RPS9: variants seen among roughly 807,000 people sequenced by gnomAD.
RPS9 encodes the protein small ribosomal subunit protein uS4.
In RPS9, 1 loss-of-function variant was observed where a neutral mutation model predicts 16.9. The ratio of observed to expected loss-of-function variants is 0.06; its 90% CI spans 0.02 to 0.28. The LOEUF is 0.28. Among genes scored for constraint, RPS9 ranks in the 10% least tolerant of loss-of-function variants. The probability of loss-of-function intolerance (pLI) is 1.00; values close to 1 mark genes in which losing one functional copy is unlikely to be tolerated. For missense variants in RPS9, 137 were observed against 273.2 expected (o/e 0.50, Z 3.51); for synonymous variants, 106 against 110.9 (o/e 0.96, Z 0.28).
intron 3 of RPS9, among the ~76,000 whole-genome samples, chr19:54,205,464 C>T (rs2147152616): frequency 6.6e-6 from 1 of 151,698 alleles, no homozygotes; most frequent in East Asian, 1.9e-4. Flanking sequence ...ATGTACCTAG[C>T]TGGAAAAATT....
intron 1 of RPS9, 51 bp from the exon 2 acceptor site, chr19:54,201,109 C>G (rs994775579): frequency 1.2e-6 from 2 of 1,606,480 alleles, no homozygotes; most frequent in African/African-American, 1.3e-5. Flanking sequence ...AGTTGTGGGA[C>G]TGCGCAGGCG....
chr19:54,207,506 C>A lies in RPS9; in HGVS notation c.516C>A (p.Arg172=), dbSNP rs745939740. 2 of 1,612,876 alleles carry A rather than the reference C, an allele frequency of 1.2e-6. No individual in the cohort carries two copies. The highest frequency in any genetic ancestry group is 2.7e-5 in the African/African-American group (2 of 74,856). The change falls in exon 5 of 5, where the codon CGC becomes CGA. Residue 172 remains arginine, a synonymous_variant. Transcript: ENST00000302907. ...CCTACGGGGGTGGCCGCCCGGGCCGCGTGAAGAGGAAGAATGCCAAGAAGG... is the reference window on the plus strand; with the variant it reads ...CCTACGGGGGTGGCCGCCCGGGCCGAGTGAAGAGGAAGAATGCCAAGAAGG... ...RSPYGGGRPG[R]VKRKNAKKGQ...
At chr19:54,206,846 T>C (rs1321104703) in intron 4 of RPS9, 21 of 820,742 alleles carry the variant, frequency 2.6e-5, no homozygotes, top group Admixed American at 1.2e-4. Flanking sequence ...CATGACTGCG[T>C]TCTGGGTACT....
chr19:54,201,602 G>T lies in RPS9; in HGVS notation c.213G>T (p.Leu71=). Reference sequence around the variant, plus strand: ...TTGATGAGAAGGACCCACGGCGTCTGTTCGAAGGTGCGTATGGGAGTCCAC... The same window carrying T: ...TTGATGAGAAGGACCCACGGCGTCTTTTCGAAGGTGCGTATGGGAGTCCAC... ...LTLDEKDPRR[L]FEGNALLRRL... Residue 71 remains leucine, a synonymous_variant, in exon 3 of 5, where the codon CTG becomes CTT. Transcript: ENST00000302907. The T allele has an allele frequency of 6.2e-7, 1 of 1,614,178 alleles. No individual in the cohort carries two copies. The highest frequency in any genetic ancestry group is 8.5e-7 in the Non-Finnish European group (1 of 1,180,040).
chr19:54,207,162 T>A (rs920038220), intron 4 of RPS9: 13 of 543,350 alleles, frequency 2.4e-5, no homozygotes, highest in African/African-American at 2.3e-4. Context: ...TGGGATACTT[T>A]CGGATTTCTC....
At chr19:54,203,501 A>G (rs1472167692) in intron 3 of RPS9, 1 of 166,948 alleles carries the variant, frequency 6.0e-6, no homozygotes, top group Non-Finnish European at 1.2e-5. Flanking sequence ...GTGGTGGCTC[A>G]TGCCTGTAAT....
intron 3 of RPS9, among the ~76,000 whole-genome samples, chr19:54,203,765 A>T (rs550751021): frequency 7.6e-6 from 1 of 132,108 alleles, no homozygotes; most frequent in East Asian, 2.4e-4. Flanking sequence ...ACAAAACAAC[A>T]CGAACTCCCC....
At chr19:54,206,517 C>T (rs1424599289) in intron 4 of RPS9, 55 bp downstream of exon 4, 6 of 1,605,332 alleles carry the variant, frequency 3.7e-6, no homozygotes, top group South Asian at 1.1e-5. Flanking sequence ...CTGATGGTTG[C>T]CCTCACTAAG....
intron 3 of RPS9, chr19:54,202,646 C>G (rs920100948): frequency 1.0e-6 from 1 of 985,308 alleles, no homozygotes; most frequent in African/African-American, 1.7e-5. Flanking sequence ...GGAGTGCTTT[C>G]TACAGCAGAT....
chr19:54,201,144 C>T lies in RPS9; in HGVS notation c.-25-16C>T, dbSNP rs1180950484. The stretch of plus-strand genomic sequence containing the variant: ...GCCGTTTGGATCCCTTACGCTCACA[C>T]TTCTCTCCCGCGCAGGCGCAGACGG... On this transcript the variant is annotated splice_polypyrimidine_tract_variant and intron_variant, in intron 1 of 4. Coordinates refer to ENST00000302907, the MANE Select transcript of RPS9 (RefSeq NM_001013.4). 4 of 1,612,262 alleles carry T rather than the reference C, an allele frequency of 2.5e-6. No individual in the cohort carries two copies. Among genetic ancestry groups the T allele is most frequent in the South Asian group, 1.1e-5 (1 of 91,018 alleles).
intron 3 of RPS9, among the ~76,000 whole-genome samples, chr19:54,203,934 C>A (rs1367662499): frequency 3.9e-5 from 6 of 152,206 alleles, no homozygotes; most frequent in African/African-American, 1.2e-4. Flanking sequence ...ATTTTAAATT[C>A]TCTTGGTGCA....
intron 3 of RPS9, among the ~76,000 whole-genome samples, chr19:54,203,663 C>T (rs1034717951): frequency 3.9e-5 from 6 of 152,034 alleles, no homozygotes; most frequent in African/African-American, 9.7e-5. Context: ...CCCAGCTACT[C>T]GGGAGGCTGA....
intron 3 of RPS9, among the ~76,000 whole-genome samples, chr19:54,204,712 C>T (rs984755471): frequency 4.6e-5 from 7 of 152,112 alleles, no homozygotes; most frequent in East Asian, 1.9e-4. Context: ...AGGGACTGTG[C>T]GTGGCTTAAG....
chr19:54,206,775 C>T, intron 4 of RPS9: 1 of 1,413,916 alleles, frequency 7.1e-7, no homozygotes, highest in East Asian at 2.5e-5. Flanking sequence ...CCTCACCTCG[C>T]TTGGGTGGTG....
In RPS9 at chr19:54,207,461, C is replaced by A. The variant is rs4838; in HGVS notation, c.471C>A (p.Ile157=). ...TCCGCCTGGATTCCCAGAAGCACATCGACTTCTCTCTGCGCTCTCCCTACG... is the reference window on the plus strand; with the variant it reads ...TCCGCCTGGATTCCCAGAAGCACATAGACTTCTCTCTGCGCTCTCCCTACG... The part of the protein sequence containing the change: ...FIVRLDSQKH[I]DFSLRSPYGG... The change falls in exon 5 of 5, where the codon ATC becomes ATA. Residue 157 remains isoleucine, a synonymous_variant. Coordinates refer to ENST00000302907, the MANE Select transcript of RPS9 (RefSeq NM_001013.4). The A allele has an allele frequency of 3.2e-5, 51 of 1,613,580 alleles. No homozygotes were observed.
chr19:54,206,866 C>T (rs928333681), intron 4 of RPS9: 6 of 692,910 alleles, frequency 8.7e-6, no homozygotes, highest in Middle Eastern at 4.1e-4. Flanking sequence ...TCAGTGTGCC[C>T]TTTCTGTAAT....
Position 54,207,432 on chromosome 19 carries a change from A to T in RPS9, c.442A>T (p.Ile148Phe). The change falls in exon 5 of 5, where the codon ATT becomes TTT. Residue 148 changes from isoleucine (I) to phenylalanine (F), a missense_variant. Ile to Phe is a conservative substitution (Grantham distance 21). Transcript: ENST00000302907. ...RKQVVNIPSF[I>F]VRLDSQKHID... ...GCAGGTGGTGAACATCCCGTCCTTC[A>T]TTGTCCGCCTGGATTCCCAGAAGCA... 2 of 1,613,488 alleles carry T rather than the reference A, an allele frequency of 1.2e-6. No homozygotes were observed. Among genetic ancestry groups the T allele is most frequent in the Non-Finnish European group, 1.7e-6 (2 of 1,179,800 alleles).
intron 4 of RPS9, chr19:54,206,979 G>A (rs893902231): frequency 6.7e-6 from 3 of 446,996 alleles, no homozygotes; most frequent in Non-Finnish European, 1.2e-5. Context: ...CGTAGGCAGA[G>A]CCTTGTGTGT....
chr19:54,205,822 ATTG>A (rs1051455530), intron 3 of RPS9, among the ~76,000 whole-genome samples: 3 of 151,816 alleles, frequency 2.0e-5, no homozygotes, highest in Non-Finnish European at 4.4e-5. Flanking sequence ...GGTTTTTTGT[ATTG>A]TTTTGTTTTG....
Sources: allele counts gnomAD v4.1 joint callset (sites outside exome capture counted in the v4.1 genomes callset), GRCh38; gene constraint gnomAD v4.1.1; transcripts MANE v1.5; gene names NCBI Gene and HGNC (gene_info 2026-07-23, HGNC 2026-07-21).